The following ROCK2 variants were observed in gnomAD, a reference collection of about 807,000 sequenced individuals.
The protein encoded by ROCK2 is Rho associated coiled-coil containing protein kinase 2.
Under a neutral mutation model 195.1 loss-of-function variants are expected in ROCK2, and 61 were observed. That is an observed-to-expected ratio of 0.31 (90% CI 0.25 to 0.39). The LOEUF (loss-of-function observed/expected upper bound fraction) is 0.39. Among genes scored for constraint, ROCK2 ranks in the 10% least tolerant of loss-of-function variants. The probability of loss-of-function intolerance (pLI) is 1.00; values close to 1 mark genes in which losing one functional copy is unlikely to be tolerated. For synonymous variants in ROCK2, 504 were observed against 545.5 expected, an observed-to-expected ratio of 0.92 and a Z score of 1.06; for missense variants, 1,109 against 1,637.4, an observed-to-expected ratio of 0.68 and a Z score of 5.57.
chr2:11,191,999 C>A, intron 32 of ROCK2, 149 bp downstream of exon 32: 1 of 607,274 alleles, frequency 1.6e-6, no homozygotes, highest in South Asian at 2.2e-5. Context: ...ATGACATGCA[C>A]ATTAAGACAG....
chr2:11,287,927 T>A (rs1288985621), intron 1 of ROCK2, among the ~76,000 whole-genome samples, 191 bp from the exon 2 acceptor site: 3 of 152,204 alleles, frequency 2.0e-5, no homozygotes, highest in African/African-American at 7.2e-5. Flanking sequence ...ATATTAGGAC[T>A]GCCCCTATCA....
chr2:11,319,640 G>C (rs1014866931), intron 1 of ROCK2, among the ~76,000 whole-genome samples: 29 of 152,136 alleles, frequency 1.9e-4, no homozygotes, highest in Middle Eastern at 3.4e-3. Flanking sequence ...ACACTATGTT[G>C]AATAGGAGTG....
At chr2:11,207,639 T>A in intron 20 of ROCK2, 87 bp downstream of exon 20, 1 of 1,005,402 alleles carries the variant, frequency 9.9e-7, no homozygotes, top group Non-Finnish European at 1.4e-6. Context: ...GAAAGTAAAA[T>A]GCTCAAAAGA....
At chr2:11,343,408 C>G (rs1428931026) in intron 1 of ROCK2, among the ~76,000 whole-genome samples, 1 of 152,158 alleles carries the variant, frequency 6.6e-6, no homozygotes, top group African/African-American at 2.4e-5. Context: ...TTTTTTGGCT[C>G]TGGCGCAATA....
chr2:11,190,366 T>A (rs78433535), intron 32 of ROCK2, among the ~76,000 whole-genome samples: 10,710 of 53,030 alleles, frequency 0.2, 1,177 homozygotes, highest in African/African-American at 0.36. Flanking sequence ...AGAAGTTTTT[T>A]AAAAAAAAAA....
chr2:11,340,763 T>G (rs189224338), intron 1 of ROCK2, among the ~76,000 whole-genome samples: 2 of 152,184 alleles, frequency 1.3e-5, no homozygotes, highest in Non-Finnish European at 1.5e-5. Context: ...ATCAATCAAA[T>G]TATTTTATGT....
At chr2:11,214,502 A>C (rs749728844) in intron 16 of ROCK2, 39 bp from the exon 17 acceptor site, 87 of 1,152,682 alleles carry the variant, frequency 7.5e-5, no homozygotes, top group Non-Finnish European at 1.1e-4. Context: ...TTAAACCCAC[A>C]AAGTATATAC....
rs1249183192 is a variant in ROCK2 at position 11,344,390 on chromosome 2, C to T, written c.-254G>A. 6.2e-6 allele frequency: 7 copies of T among 1,126,074 alleles called. No individual in the cohort carries two copies. The highest frequency in any genetic ancestry group is 1.6e-5 in the African/African-American group (1 of 61,544). The allele number at this position is 1,126,074 out of a possible 1,614,324, so 69.8% of individuals were successfully genotyped here. On this transcript the variant is annotated 5_prime_UTR_variant, in exon 1 of 33. Transcript: ENST00000315872. The surrounding 1 kb of genome is among the most constrained non-coding windows in gnomAD (Gnocchi z 5.4). ...GGGAACAGACGGCGTCCCCGCCCCT[C>T]AGTCAGATTCGCGCCGCCGGTCCGC... is the stretch of plus-strand genomic sequence containing the variant.
intron 4 of ROCK2, among the ~76,000 whole-genome samples, chr2:11,244,513 C>G (rs749921026): frequency 6.6e-6 from 1 of 151,954 alleles, no homozygotes; most frequent in Non-Finnish European, 1.5e-5. Context: ...CTATAATAAT[C>G]CCAGTGCTTT....
intron 20 of ROCK2, among the ~76,000 whole-genome samples, chr2:11,203,246 A>G (rs978172529): frequency 1.3e-5 from 2 of 152,232 alleles, no homozygotes; most frequent in African/African-American, 4.8e-5. Context: ...AACCAAAACT[A>G]AGGAGGAATA....
chr2:11,314,097 C>T (rs1668118630), intron 1 of ROCK2, among the ~76,000 whole-genome samples: 1 of 151,656 alleles, frequency 6.6e-6, no homozygotes, highest in African/African-American at 2.4e-5. Context: ...ATATTAAAAG[C>T]TATTAAAAAT....
At chr2:11,275,257 CAAAAAAA>C (rs71393869) in intron 3 of ROCK2, among the ~76,000 whole-genome samples, 48,558 of 110,634 alleles carry the variant, frequency 0.44, 8,050 homozygotes, top group East Asian at 0.61. Context: ...GACTTCATGT[CAAAAAAA>C]AAAAAAAAAG....
intron 3 of ROCK2, among the ~76,000 whole-genome samples, chr2:11,271,303 A>C (rs1002677996): frequency 3.9e-5 from 6 of 152,150 alleles, no homozygotes; most frequent in African/African-American, 1.4e-4. Flanking sequence ...TTGGATATAA[A>C]ATCTGTAAAG....
intron 3 of ROCK2, among the ~76,000 whole-genome samples, chr2:11,255,447 A>G (rs1665996296): frequency 6.6e-6 from 1 of 151,054 alleles, no homozygotes; most frequent in Non-Finnish European, 1.5e-5. Context: ...GCAAAAAGGA[A>G]AATGCGACTC....
At chr2:11,323,767 T>C (rs543785216) in intron 1 of ROCK2, among the ~76,000 whole-genome samples, 7 of 152,224 alleles carry the variant, frequency 4.6e-5, no homozygotes, top group Middle Eastern at 6.8e-3. Flanking sequence ...TGCATACACA[T>C]AGCCTTCCCC....
chr2:11,207,114 G>A (rs1446931275), intron 20 of ROCK2, among the ~76,000 whole-genome samples: 1 of 152,132 alleles, frequency 6.6e-6, no homozygotes, highest in South Asian at 2.1e-4. Context: ...TTGAGTTCTT[G>A]TTATGCTGTC....
upstream of ROCK2, among the ~76,000 whole-genome samples, chr2:11,344,805 C>T (rs932177089): frequency 1.3e-5 from 2 of 150,682 alleles, no homozygotes; most frequent in Admixed American, 6.6e-5. This position sits in a 1 kb window ranked among gnomAD's most constrained non-coding sequence, Gnocchi z 5.4. Context: ...GCGCCCCTTC[C>T]TCGCCCGCCC....
chr2:11,266,331 T>C (rs1269860054), intron 3 of ROCK2, among the ~76,000 whole-genome samples: 1 of 152,222 alleles, frequency 6.6e-6, no homozygotes, highest in East Asian at 1.9e-4. Context: ...AAGATGGCTA[T>C]GACCTTAAGA....
chr2:11,197,705 C>A lies in ROCK2; in HGVS notation c.3100G>T (p.Ala1034Ser). The change falls in exon 26 of 33, where the codon GCT (alanine) becomes TCT (serine). Residue 1034 changes from alanine (A) to serine (S), a missense_variant and splice_region_variant. This residue lies in a region of ROCK2 where 29 missense variants were observed against 75.0 expected (regional missense o/e 0.39). Coordinates refer to ENST00000315872, the MANE Select transcript of ROCK2 (RefSeq NM_004850.5). This position sits in a 1 kb window ranked among gnomAD's most constrained non-coding sequence, Gnocchi z 4.9. ...LLTERTLKTQ[A>S]VNKLAEIMNR... ...ATGATCTCAGCCAACTTATTCACAG[C>A]CTTAAAAAATGTAAAAATAAATATA... The A allele has an allele frequency of 6.5e-7, 1 of 1,532,720 alleles. No individual in the cohort carries two copies. The highest frequency in any genetic ancestry group is 8.7e-7 in the Non-Finnish European group (1 of 1,145,836). 94.9% of individuals were successfully genotyped at this position (1,532,720 alleles called of 1,614,324 possible).
Sources: gnomAD v4.1 joint callset for allele counts (sites outside exome capture counted in the v4.1 genomes callset) on GRCh38, gnomAD v4.1.1 for gene constraint, gnomAD v4.1.1 regional missense constraint, Gnocchi (gnomAD v3.1) non-coding constraint, MANE v1.5 for transcripts, NCBI Gene and HGNC (gene_info 2026-07-23, HGNC 2026-07-21) for gene names.